Variants in MTMR7 observed in about 807,000 individuals in gnomAD.
MTMR7 encodes myotubularin related protein 7.
A neutral mutation model predicts 81.2 loss-of-function variants in MTMR7; 76 were observed. The ratio of observed to expected loss-of-function variants is 0.94; its 90% CI spans 0.78 to 1.13. MTMR7 has a LOEUF of 1.13. Among genes scored for constraint, MTMR7 ranks in the 50% most tolerant of loss-of-function variants. The pLI is 0.00. For missense variants in MTMR7, 1,044 were observed against 820.0 expected (o/e 1.27, Z -3.34); for synonymous variants, 372 against 289.8 (o/e 1.28, Z -2.88).
chr8:17,332,502 G>A (rs1819054761), intron 6 of MTMR7, among the ~76,000 whole-genome samples: 1 of 152,188 alleles, frequency 6.6e-6, no homozygotes, highest in African/African-American at 2.4e-5. Context: ...AGATCACACA[G>A]CAGACAGACA....
intron 6 of MTMR7, among the ~76,000 whole-genome samples, chr8:17,337,252 C>G (rs1819269499): frequency 6.6e-6 from 1 of 151,468 alleles, no homozygotes; most frequent in Non-Finnish European, 1.5e-5. Flanking sequence ...GTAAACCCAG[C>G]TACTCGGGAG....
chr8:17,396,681 T>C (rs552388361), intron 1 of MTMR7, among the ~76,000 whole-genome samples: 1 of 152,144 alleles, frequency 6.6e-6, no homozygotes, highest in East Asian at 1.9e-4. Flanking sequence ...AGTCAAGTCC[T>C]AATGCTGGGC....
intron 5 of MTMR7, among the ~76,000 whole-genome samples, chr8:17,343,363 G>C (rs911986947): frequency 6.6e-6 from 1 of 152,102 alleles, no homozygotes; most frequent in Non-Finnish European, 1.5e-5. Flanking sequence ...CCGACAGGCA[G>C]AGTTTGCAGT....
At chr8:17,302,807 G>A (rs1439438733) in intron 12 of MTMR7, among the ~76,000 whole-genome samples, 2 of 141,508 alleles carry the variant, frequency 1.4e-5, no homozygotes, top group Non-Finnish European at 1.5e-5. Flanking sequence ...CCACCTCCCG[G>A]GTTCAAGCGA....
chr8:17,411,834 G>C (rs751823214), intron 1 of MTMR7, among the ~76,000 whole-genome samples: 3 of 152,202 alleles, frequency 2.0e-5, no homozygotes, highest in African/African-American at 7.2e-5. Flanking sequence ...CTCTAACAAA[G>C]TGGCATCCAC....
At chr8:17,406,603 T>C (rs954259698) in intron 1 of MTMR7, among the ~76,000 whole-genome samples, 1 of 151,440 alleles carries the variant, frequency 6.6e-6, no homozygotes, top group Non-Finnish European at 1.5e-5. Flanking sequence ...AACCACAAAG[T>C]TGCTATACGA....
At chr8:17,412,996 G>A (rs1333655467) in intron 1 of MTMR7, among the ~76,000 whole-genome samples, 2 of 152,212 alleles carry the variant, frequency 1.3e-5, no homozygotes, top group African/African-American at 2.4e-5. Flanking sequence ...AGACAACTGA[G>A]GTTCCCTCCC....
rs139346482 is a variant in MTMR7, at chr8:17,323,402, C to T, written c.865+7748G>A. 5.4e-3 allele frequency among the ~76,000 whole-genome samples: 814 copies of T among 152,072 alleles called. 8 individuals carry two copies. The highest frequency in any genetic ancestry group is 0.018 in the African/African-American group (764 of 41,444). On this transcript the variant is annotated intron_variant, in intron 7 of 13. Coordinates refer to ENST00000180173, the MANE Select transcript of MTMR7 (RefSeq NM_004686.5). Reference sequence around the variant, plus strand: ...TTAAAAGTCAATATACAAACGGAGCCAGGATGAACAGGAACCAAACTGAAG... The same window carrying T: ...TTAAAAGTCAATATACAAACGGAGCTAGGATGAACAGGAACCAAACTGAAG...
intron 1 of MTMR7, among the ~76,000 whole-genome samples, chr8:17,398,608 T>C (rs1048817126): frequency 2.0e-5 from 3 of 151,170 alleles, no homozygotes; most frequent in Non-Finnish European, 4.4e-5. Flanking sequence ...AAAGAGGAGG[T>C]AGAGAAAGAA....
In MTMR7 at chr8:17,370,964, T is replaced by C. The variant is rs565726977; in HGVS notation, c.310+73A>G. On this transcript the variant is annotated intron_variant, in intron 3 of 13. Transcript: ENST00000180173. ...GAACCCCTATCATTCCTAAGCACCA[T>C]ACAAATTCTTGAATCTGATTTGCAA... 1.3e-4 allele frequency: 186 copies of C among 1,487,770 alleles called. 3 individuals are homozygous for C. In the South Asian group the frequency reaches 2.0e-3, roughly 16 times the overall value. The allele number at this position is 1,487,770 out of a possible 1,614,324, so 92.2% of individuals were successfully genotyped here.
chr8:17,405,463 G>C (rs771472822), intron 1 of MTMR7, among the ~76,000 whole-genome samples: 11 of 152,188 alleles, frequency 7.2e-5, no homozygotes, highest in Non-Finnish European at 8.8e-5. Context: ...CTGAGTCCTA[G>C]ATGAGGAACT....
At position 17,375,482 on chromosome 8, in the gene MTMR7, T is replaced by TTTGTTTTG. The variant is rs199889783; in HGVS notation, c.25-2243_25-2242insCAAAACAA. Among the ~76,000 whole-genome samples the TTTGTTTTG allele has an allele frequency of 4.5e-3, 644 of 144,450 alleles. 6 individuals are homozygous for TTTGTTTTG. The highest frequency in any genetic ancestry group is 0.016 in the African/African-American group (599 of 37,842). The allele number at this position is 144,450 out of a possible 152,430, so 94.8% of individuals were successfully genotyped here. On this transcript the variant is annotated intron_variant, in intron 1 of 13. Transcript: ENST00000180173. The stretch of plus-strand genomic sequence containing the variant: ...GTGCCCTTCACCTACTAGCTTATGT[T>TTTGTTTTG]TTTTTTTTTTTTTTACAAGAATTCT...
In MTMR7 at chr8:17,359,507, G is replaced by T. The variant is rs115365123; in HGVS notation, c.468+1610C>A. Among the ~76,000 whole-genome samples the T allele has an allele frequency of 6.7e-3, 1,012 of 151,082 alleles. 17 individuals are homozygous for T. The highest frequency in any genetic ancestry group is 0.023 in the African/African-American group (956 of 41,056). ...TTAGCTACTCAGGTGGATTGCTTTG[G>T]ATCTGGAGTTTGAGACTGCAGTGAG... On this transcript the variant is annotated intron_variant, in intron 4 of 13. Transcript: ENST00000180173.
chr8:17,311,317 A>G (rs1817767913), intron 9 of MTMR7, among the ~76,000 whole-genome samples, 194 bp downstream of exon 9: 1 of 152,204 alleles, frequency 6.6e-6, no homozygotes, highest in Non-Finnish European at 1.5e-5. Flanking sequence ...CCAGAAATTC[A>G]TCTCTTTATT....
At chr8:17,373,536 CATTATA>C (rs537748540) in intron 1 of MTMR7, among the ~76,000 whole-genome samples, 3 of 152,206 alleles carry the variant, frequency 2.0e-5, no homozygotes, top group Non-Finnish European at 4.4e-5. Flanking sequence ...GCTTTCATTT[CATTATA>C]ATTATATTAC....
intron 1 of MTMR7, among the ~76,000 whole-genome samples, chr8:17,401,108 G>A (rs1442422699): frequency 6.6e-6 from 1 of 152,092 alleles, no homozygotes; most frequent in Admixed American, 6.6e-5. Context: ...CATGTGTGTG[G>A]TATGTGTATG....
intron 1 of MTMR7, among the ~76,000 whole-genome samples, chr8:17,401,057 C>T (rs927707215): frequency 1.3e-5 from 2 of 151,992 alleles, no homozygotes; most frequent in African/African-American, 4.8e-5. Context: ...ATGCAGCTAG[C>T]TGCCAGGTAC....
chr8:17,344,289 A>C (rs1819491092), intron 5 of MTMR7, among the ~76,000 whole-genome samples: 1 of 152,166 alleles, frequency 6.6e-6, no homozygotes, highest in African/African-American at 2.4e-5. Context: ...ATGGGAGGAA[A>C]TAGGTCAGGC....
At chr8:17,333,764 G>C (rs1472840735) in intron 6 of MTMR7, among the ~76,000 whole-genome samples, 1 of 152,116 alleles carries the variant, frequency 6.6e-6, no homozygotes, top group Non-Finnish European at 1.5e-5. Flanking sequence ...TGGGAGGACT[G>C]CTTGAGCCTG....
Sources: allele counts gnomAD v4.1 joint callset (sites outside exome capture counted in the v4.1 genomes callset), GRCh38; gene constraint gnomAD v4.1.1; transcripts MANE v1.5; gene names NCBI Gene and HGNC (gene_info 2026-07-23, HGNC 2026-07-21).